The following ADGRL2 variants were observed in gnomAD, a reference collection of about 807,000 sequenced individuals.
ADGRL2 encodes the protein calcium-independent alpha-latrotoxin receptor 2.
Under a neutral mutation model 157.4 loss-of-function variants are expected in ADGRL2, and 44 were observed. The ratio of observed to expected loss-of-function variants is 0.28; its 90% CI spans 0.22 to 0.36. ADGRL2 has a LOEUF of 0.36. Ranked by LOEUF, ADGRL2 falls within the 10% of genes least tolerant of loss-of-function variation. ADGRL2 has a pLI of 1.00. For missense variants in ADGRL2, 1,510 were observed against 1,768.9 expected (o/e 0.85, Z 2.63); for synonymous variants, 585 against 624.7 (o/e 0.94, Z 0.95).
chr1:81,723,936 T>C (rs974735758), intron 1 of ADGRL2, among the ~76,000 whole-genome samples: 3 of 152,138 alleles, frequency 2.0e-5, no homozygotes, highest in African/African-American at 7.2e-5. Context: ...AGGGAGTACT[T>C]TTCTTTTTAT....
chr1:81,641,190 A>G lies in ADGRL2; in HGVS notation c.-143+60210A>G, dbSNP rs181707552. The stretch of plus-strand genomic sequence containing the variant: ...ATAAGGCAAATATCGACAGAACTGC[A>G]AGGAGAAATAGATAGTCCACTATTA... On this transcript the variant is annotated intron_variant, in intron 3 of 24. Coordinates refer to the ADGRL2 transcript ENST00000370721. Among the ~76,000 whole-genome samples the G allele has an allele frequency of 2.6e-5, 4 of 152,346 alleles. No individual in the cohort carries two copies. In the East Asian group the frequency reaches 7.7e-4, roughly 29 times the overall value.
chr1:81,638,325 C>G (rs1033648784), intron 3 of ADGRL2, among the ~76,000 whole-genome samples: 1 of 152,060 alleles, frequency 6.6e-6, no homozygotes, highest in Non-Finnish European at 1.5e-5. Flanking sequence ...AAACTCAGAT[C>G]TACATAAAGA....
intron 2 of ADGRL2, among the ~76,000 whole-genome samples, chr1:81,891,981 T>TGG (rs2094279813): frequency 6.6e-6 from 1 of 151,906 alleles, no homozygotes; most frequent in Admixed American, 6.6e-5. Flanking sequence ...TGTGTGTGTG[T>TGG]GTATGTGTGT....
intron 1 of ADGRL2, among the ~76,000 whole-genome samples, chr1:81,387,940 T>C (rs2076466700): frequency 6.6e-6 from 1 of 152,134 alleles, no homozygotes; most frequent in Non-Finnish European, 1.5e-5. Context: ...TCCATCTTTT[T>C]AGTTCTCAAT....
chr1:81,833,682 C>T (rs541899831), intron 1 of ADGRL2, among the ~76,000 whole-genome samples: 5 of 152,130 alleles, frequency 3.3e-5, no homozygotes, highest in South Asian at 4.2e-4. Flanking sequence ...AGTAATTTTG[C>T]GGACAGTTTT....
chr1:81,970,305 C>A lies in ADGRL2; in HGVS notation c.2734-9C>A. On this transcript the variant is annotated splice_polypyrimidine_tract_variant and intron_variant, in intron 15 of 23. Transcript: ENST00000686636. The stretch of plus-strand genomic sequence containing the variant: ...TTTCTTTTGTGTTTTTTGTTCTTTT[C>A]CCCCGTAGATTGCATGCCCAATATT... The A allele has an allele frequency of 6.3e-7, 1 of 1,598,374 alleles. No homozygotes were observed. The highest frequency in any genetic ancestry group is 8.6e-7 in the Non-Finnish European group (1 of 1,168,378).
chr1:81,846,063 C>T (rs765067588), intron 2 of ADGRL2, among the ~76,000 whole-genome samples: 1 of 151,736 alleles, frequency 6.6e-6, no homozygotes, highest in Non-Finnish European at 1.5e-5. Flanking sequence ...AAGGGGAAAT[C>T]TAAGGTCTTT....
chr1:81,796,221 C>T (rs942146426), upstream of ADGRL2, among the ~76,000 whole-genome samples: 10 of 152,052 alleles, frequency 6.6e-5, no homozygotes, highest in Admixed American at 5.2e-4. Context: ...GAACTCCTGA[C>T]CTTGGGATCC....
At chr1:81,629,254 A>G (rs2081966217) in intron 3 of ADGRL2, among the ~76,000 whole-genome samples, 1 of 152,216 alleles carries the variant, frequency 6.6e-6, no homozygotes, top group Non-Finnish European at 1.5e-5. Flanking sequence ...GAGGAAGATG[A>G]TAATACCATG....
rs193295419 is a variant in ADGRL2, at chr1:81,457,258, T to C, written c.-248+12169T>C. 9.2e-5 allele frequency among the ~76,000 whole-genome samples: 14 copies of C among 152,292 alleles called. No individual in the cohort carries two copies. The East Asian group carries it at 2.7e-3, about 29-fold the overall frequency. ...CTTGACCACAGAAACCTTTGCTCAGTAGTAAGTTAATATGGTACATGAACA... is the reference window on the plus strand; with the variant it reads ...CTTGACCACAGAAACCTTTGCTCAGCAGTAAGTTAATATGGTACATGAACA... On this transcript the variant is annotated intron_variant, in intron 2 of 24. Transcript: ENST00000370721.
intron 1 of ADGRL2, among the ~76,000 whole-genome samples, chr1:81,728,634 A>C (rs985394027): frequency 2.0e-5 from 3 of 152,182 alleles, no homozygotes; most frequent in Admixed American, 2.0e-4. Context: ...ATCAAATCTC[A>C]TGTGGAACTG....
intron 1 of ADGRL2, among the ~76,000 whole-genome samples, chr1:81,308,352 C>G (rs1241203376): frequency 6.6e-6 from 1 of 152,066 alleles, no homozygotes; most frequent in African/African-American, 2.4e-5. Context: ...TTGTCACTAA[C>G]AGTAAAGGAT....
At chr1:81,721,125 G>A (rs1370351358) in intron 1 of ADGRL2, among the ~76,000 whole-genome samples, 6 of 149,886 alleles carry the variant, frequency 4.0e-5, no homozygotes. Flanking sequence ...TCCTGCGTCA[G>A]CCTCCCAAAG....
At chr1:81,614,570 A>G (rs2081605065) in intron 3 of ADGRL2, among the ~76,000 whole-genome samples, 1 of 152,146 alleles carries the variant, frequency 6.6e-6, no homozygotes, top group Non-Finnish European at 1.5e-5. Context: ...CATTTTCTCA[A>G]GCTTGCCAAT....
intron 2 of ADGRL2, among the ~76,000 whole-genome samples, chr1:81,475,612 A>G (rs2078256691): frequency 6.6e-6 from 1 of 152,212 alleles, no homozygotes; most frequent in South Asian, 2.1e-4. Flanking sequence ...ATAATTTTGT[A>G]AATGGGTTCA....
At chr1:81,364,703 C>CT (rs746793170) in intron 1 of ADGRL2, among the ~76,000 whole-genome samples, 5,693 of 144,186 alleles carry the variant, frequency 0.039, 129 homozygotes, top group Middle Eastern at 0.11. Context: ...GTAATTAATT[C>CT]TTTTTTTTTT....
At chr1:81,904,437 TG>T (rs2094547874) in intron 2 of ADGRL2, among the ~76,000 whole-genome samples, 1 of 152,168 alleles carries the variant, frequency 6.6e-6, no homozygotes, top group Non-Finnish European at 1.5e-5. Context: ...ATACTCAGAC[TG>T]GGTAATTTAT....
At chr1:81,883,242 A>G (rs2094033678) in intron 2 of ADGRL2, among the ~76,000 whole-genome samples, 1 of 152,214 alleles carries the variant, frequency 6.6e-6, no homozygotes, top group Non-Finnish European at 1.5e-5. Flanking sequence ...GAATTTTTTA[A>G]AAAATTATAA....
chr1:81,962,163 A>G (rs1655640343), intron 11 of ADGRL2, among the ~76,000 whole-genome samples: 1 of 152,202 alleles, frequency 6.6e-6, no homozygotes, highest in Admixed American at 6.5e-5. Flanking sequence ...ATTTTTCACC[A>G]GTAATACCAT....
Sources: gnomAD v4.1 joint callset for allele counts (sites outside exome capture counted in the v4.1 genomes callset) on GRCh38, gnomAD v4.1.1 for gene constraint, MANE v1.5 for transcripts, NCBI Gene and HGNC (gene_info 2026-07-23, HGNC 2026-07-21) for gene names.